The following TMCO5A variants were observed in gnomAD, a reference collection of about 807,000 sequenced individuals.
The protein encoded by TMCO5A is transmembrane and coiled-coil domain-containing protein 5A.
TMCO5A carries 34 observed loss-of-function variants against 42.3 expected under a neutral mutation model. The ratio of observed to expected loss-of-function variants is 0.80; its 90% CI spans 0.61 to 1.07. The LOEUF (loss-of-function observed/expected upper bound fraction) is 1.07. Among genes scored for constraint, TMCO5A ranks in the 50% least tolerant of loss-of-function variants. The probability of loss-of-function intolerance (pLI) is 0.00; values close to 1 mark genes in which losing one functional copy is unlikely to be tolerated. For synonymous variants in TMCO5A, 131 were observed against 115.6 expected, an observed-to-expected ratio of 1.13 and a Z score of -0.86; for missense variants, 357 against 327.9, an observed-to-expected ratio of 1.09 and a Z score of -0.69.
the TMCO5A span, among the ~76,000 whole-genome samples, chr15:38,012,623 C>T: frequency 6.6e-6 from 1 of 151,948 alleles, no homozygotes; most frequent in Non-Finnish European, 1.5e-5. Flanking sequence ...ACAATATGTA[C>T]TCAGGAAATG....
the TMCO5A span, among the ~76,000 whole-genome samples, chr15:38,022,733 G>C: frequency 6.6e-6 from 1 of 152,140 alleles, no homozygotes; most frequent in Admixed American, 6.6e-5. Context: ...TGTTGATAAT[G>C]GGGGAGGTTA....
the TMCO5A span, among the ~76,000 whole-genome samples, chr15:37,998,854 G>T: frequency 1.3e-5 from 2 of 151,970 alleles, no homozygotes; most frequent in African/African-American, 2.4e-5. Flanking sequence ...CCATTTTGTT[G>T]TGTCCTCTTC....
exon 12 of TMCO5A, chr15:37,967,617 A>G (rs1395807785): frequency 6.6e-6 from 1 of 152,212 alleles, no homozygotes; most frequent in Non-Finnish European, 1.5e-5. Flanking sequence ...TTAGCTTAGT[A>G]TTAGATGAAA....
intron 8 of TMCO5A, 43 bp downstream of exon 8, chr15:37,941,773 T>C (rs1209574832): frequency 1.3e-6 from 2 of 1,504,506 alleles, no homozygotes; most frequent in East Asian, 2.3e-5. Context: ...TTTATTAAGG[T>C]ACAGGATGAA....
the TMCO5A span, among the ~76,000 whole-genome samples, chr15:38,019,612 C>T: frequency 2.0e-5 from 3 of 151,940 alleles, 1 homozygote; most frequent in South Asian, 6.2e-4. Context: ...TACTAGAGTT[C>T]ACTATTTTCT....
At chr15:37,965,958 T>C (rs933958773) in intron 11 of TMCO5A, among the ~76,000 whole-genome samples, 1 of 152,196 alleles carries the variant, frequency 6.6e-6, no homozygotes, top group African/African-American at 2.4e-5. Context: ...TACACTTTCA[T>C]GTTCATTGCA....
the TMCO5A span, among the ~76,000 whole-genome samples, chr15:38,018,841 A>G: frequency 6.6e-6 from 1 of 151,856 alleles, no homozygotes. Context: ...CCAGAGAAAC[A>G]CAACAATTTA....
At chr15:37,975,562 G>A in the TMCO5A span, among the ~76,000 whole-genome samples, 1 of 151,178 alleles carries the variant, frequency 6.6e-6, no homozygotes, top group Admixed American at 6.6e-5. Context: ...AGCAACCCCT[G>A]CTTTTTCCTG....
At chr15:37,951,605 T>A (rs1890160225), downstream of TMCO5A, 1 of 173,876 alleles carries the variant, frequency 5.8e-6, no homozygotes, top group Non-Finnish European at 1.2e-5. Context: ...AACTCATAGG[T>A]TATAAGTGAC....
At position 37,951,181 on chromosome 15, in the gene TMCO5A, T is replaced by C. The variant is rs924950400; in HGVS notation, c.814T>C (p.Cys272Arg). Residue 272 changes from cysteine to arginine, a missense_variant, in exon 12 of 12, where the codon TGC becomes CGC. Cys to Arg is a radical substitution (Grantham distance 180). Transcript: ENST00000319669. The stretch of plus-strand genomic sequence containing the variant: ...CAGGAGCACCTTGTGGAAGCTCAGA[T>C]GCTTCTTCTTTCCATCTCTCACACT... The part of the protein sequence containing the change: ...LGRSTLWKLR[C>R]FFFPSLTLET... 1 of 1,613,892 alleles carries C rather than the reference T, an allele frequency of 6.2e-7. No individual in the cohort carries two copies. Among genetic ancestry groups the C allele is most frequent in the African/African-American group, 1.3e-5 (1 of 75,030 alleles).
the TMCO5A span, among the ~76,000 whole-genome samples, chr15:38,039,701 T>C: frequency 3.9e-5 from 6 of 152,360 alleles, no homozygotes; most frequent in East Asian, 1.2e-3. Context: ...ACAGAATATT[T>C]GCCTTGACAA....
intron 11 of TMCO5A, 29 bp from the exon 12 acceptor site, chr15:37,951,007 T>C (rs764335138): frequency 6.3e-7 from 1 of 1,599,308 alleles, no homozygotes. Context: ...AAGCTTCTGG[T>C]TAACAGTTTC....
the TMCO5A span, among the ~76,000 whole-genome samples, chr15:37,977,357 G>A: frequency 6.6e-6 from 1 of 152,296 alleles, no homozygotes; most frequent in African/African-American, 2.4e-5. Flanking sequence ...TCCTTTAATT[G>A]TGGTGTAATT....
At chr15:38,040,535 T>G in the TMCO5A span, 1 of 152,066 alleles carries the variant, frequency 6.6e-6, no homozygotes, top group African/African-American at 2.4e-5. Flanking sequence ...AGCCAAAAGG[T>G]GGAAACAAGC....
At chr15:37,945,167 G>A (rs1889899619) in intron 10 of TMCO5A, among the ~76,000 whole-genome samples, 1 of 152,022 alleles carries the variant, frequency 6.6e-6, no homozygotes, top group African/African-American at 2.4e-5. Flanking sequence ...GAGTAAAATG[G>A]CTTCCAATAC....
At chr15:38,013,589 T>C in the TMCO5A span, among the ~76,000 whole-genome samples, 1 of 152,202 alleles carries the variant, frequency 6.6e-6, no homozygotes, top group Non-Finnish European at 1.5e-5. Flanking sequence ...CTTAAACAGA[T>C]GATTCCCTGC....
intron 11 of TMCO5A, among the ~76,000 whole-genome samples, chr15:37,965,542 G>C (rs1362919666): frequency 6.6e-6 from 1 of 152,070 alleles, no homozygotes; most frequent in African/African-American, 2.4e-5. Flanking sequence ...GGTATATAAG[G>C]AGCTCAAACA....
chr15:37,940,643 G>C (rs1039858758), intron 6 of TMCO5A, among the ~76,000 whole-genome samples: 6 of 151,984 alleles, frequency 3.9e-5, no homozygotes, highest in African/African-American at 1.4e-4. Context: ...TGGAAAGCTG[G>C]TCCATCCTGT....
the TMCO5A span, among the ~76,000 whole-genome samples, chr15:38,007,175 C>A: frequency 6.6e-6 from 1 of 152,094 alleles, no homozygotes; most frequent in Non-Finnish European, 1.5e-5. Context: ...GTTTACTGAC[C>A]CTTGGGCTAA....
Sources: allele counts gnomAD v4.1 joint callset (sites outside exome capture counted in the v4.1 genomes callset), GRCh38; gene constraint gnomAD v4.1.1; transcripts MANE v1.5; gene names NCBI Gene and HGNC (gene_info 2026-07-23, HGNC 2026-07-21).